The following ZNF322 variants were observed in gnomAD, a reference collection of about 807,000 sequenced individuals.
The protein encoded by ZNF322 is HLA complex group 12.
Under a neutral mutation model 18.3 loss-of-function variants are expected in ZNF322, and 1 was observed. The observed-to-expected ratio is 0.05, with a 90% CI of 0.02 to 0.26. ZNF322 has a LOEUF of 0.26. Ranked by LOEUF, ZNF322 falls within the 10% of genes least tolerant of loss-of-function variation. The probability of loss-of-function intolerance (pLI) is 1.00; values close to 1 mark genes in which losing one functional copy is unlikely to be tolerated. For missense variants in ZNF322, 36 were observed against 403.6 expected, an observed-to-expected ratio of 0.09 and a Z score of 7.80; for synonymous variants, 17 against 130.7, an observed-to-expected ratio of 0.13 and a Z score of 5.93.
intron 1 of ZNF322, 110 bp downstream of exon 1, chr6:26,659,331 G>A (rs1455173546): frequency 1.3e-5 from 2 of 159,740 alleles, no homozygotes; most frequent in Non-Finnish European, 2.9e-5. Context: ...GCGGAGACCA[G>A]ACCATGCTCA....
intron 2 of ZNF322, among the ~76,000 whole-genome samples, chr6:26,651,684 T>C (rs1262282501): frequency 2.6e-5 from 4 of 152,226 alleles, no homozygotes; most frequent in Non-Finnish European, 5.9e-5. Context: ...TGAGACATCA[T>C]GTTCTACATC....
intron 2 of ZNF322, among the ~76,000 whole-genome samples, chr6:26,647,288 A>G (rs989086574): frequency 3.9e-5 from 6 of 151,912 alleles, no homozygotes; most frequent in Admixed American, 6.6e-5. Flanking sequence ...TTTTAATGGG[A>G]AAAAAAATCA....
At chr6:26,638,777 G>T in intron 3 of ZNF322, 49 bp from the exon 4 acceptor site, 2 of 695,738 alleles carry the variant, frequency 2.9e-6, no homozygotes, top group Non-Finnish European at 4.3e-6. Flanking sequence ...ACTAAGAAAA[G>T]AATTCTCAAA....
At chr6:26,647,007 T>C (rs1554148791) in intron 2 of ZNF322, among the ~76,000 whole-genome samples, 1 of 152,172 alleles carries the variant, frequency 6.6e-6, no homozygotes, top group African/African-American at 2.4e-5. Context: ...CCTATATTTC[T>C]TTAATCAATA....
intron 1 of ZNF322, chr6:26,658,921 T>G (rs1765830295): frequency 6.6e-6 from 1 of 152,256 alleles, no homozygotes; most frequent in African/African-American, 2.4e-5. Context: ...GCCTCGTTTT[T>G]CGTTTGTTTT....
At chr6:26,658,896 A>G (rs1406318431) in intron 1 of ZNF322, 1 of 152,230 alleles carries the variant, frequency 6.6e-6, no homozygotes, top group African/African-American at 2.4e-5. Flanking sequence ...CTGTAACTTC[A>G]TAACAAAGCC....
chr6:26,649,423 G>T (rs1765612139), intron 2 of ZNF322, among the ~76,000 whole-genome samples: 1 of 151,768 alleles, frequency 6.6e-6, no homozygotes, highest in African/African-American at 2.4e-5. Context: ...ATGAAAATAG[G>T]TACAATTTGG....
At chr6:26,657,628 C>T (rs147203477) in intron 2 of ZNF322, among the ~76,000 whole-genome samples, 5 of 152,220 alleles carry the variant, frequency 3.3e-5, no homozygotes, top group African/African-American at 1.2e-4. Flanking sequence ...AATATAACTT[C>T]TATTAGGGTT....
At chr6:26,646,332 T>C (rs1765559456) in intron 2 of ZNF322, among the ~76,000 whole-genome samples, 1 of 152,034 alleles carries the variant, frequency 6.6e-6, no homozygotes, top group South Asian at 2.1e-4. Context: ...TAAAGCAAAG[T>C]GATTCAGGCA....
chr6:26,636,107 T>A lies in ZNF322; in HGVS notation c.*1238A>T, dbSNP rs1210795715. ...ATTGGTCCTGCAAAGGAAAAACTATTAGGAGAGTTTTGATCTAGGATAGCT... is the reference window on the plus strand; with the variant it reads ...ATTGGTCCTGCAAAGGAAAAACTATAAGGAGAGTTTTGATCTAGGATAGCT... On this transcript the variant is annotated 3_prime_UTR_variant, in exon 4 of 4. Coordinates refer to ENST00000415922, the MANE Select transcript of ZNF322 (RefSeq NM_024639.5). The A allele has an allele frequency of 1.3e-5, 2 of 149,890 alleles. No homozygotes were observed. Among genetic ancestry groups the A allele is most frequent in the Non-Finnish European group, 3.0e-5 (2 of 67,652 alleles). 9.3% of individuals were successfully genotyped at this position (149,890 alleles called of 1,614,324 possible).
At chr6:26,652,288 C>T (rs1488371514) in intron 2 of ZNF322, among the ~76,000 whole-genome samples, 4 of 152,136 alleles carry the variant, frequency 2.6e-5, no homozygotes, top group Non-Finnish European at 5.9e-5. Context: ...TTGCAGAAGA[C>T]ACATCTGATT....
chr6:26,645,972 G>A (rs750441818), intron 2 of ZNF322, among the ~76,000 whole-genome samples: 4 of 151,610 alleles, frequency 2.6e-5, no homozygotes, highest in Admixed American at 6.6e-5. Flanking sequence ...TGGAGGTTGC[G>A]GTGAGCCAAG....
At position 26,637,793 on chromosome 6, in the gene ZNF322, A is replaced by ATC; in HGVS notation, c.760_761insGA (p.Leu254ArgfsTer21). ...TGTGTGGACTCTCTGGTGCACGATA[A>ATC]GGTCTGATTTCTGGCCAAAGCATTT... On this transcript the variant is annotated frameshift_variant, in exon 4 of 4. Coordinates refer to ENST00000415922, the MANE Select transcript of ZNF322 (RefSeq NM_024639.5). LOFTEE classifies it high-confidence loss of function. 1 of 517,592 alleles carries ATC rather than the reference A, an allele frequency of 1.9e-6. No individual in the cohort carries two copies. Among genetic ancestry groups the ATC allele is most frequent in the Non-Finnish European group, 3.2e-6 (1 of 309,416 alleles). The allele number at this position is 517,592 out of a possible 1,614,324, so 32.1% of individuals were successfully genotyped here. A position where few individuals can be genotyped will look rare whatever the true frequency, so the allele number is the denominator to read the frequency against.
intron 3 of ZNF322, among the ~76,000 whole-genome samples, chr6:26,640,757 A>G (rs892834762): frequency 6.6e-5 from 10 of 152,156 alleles, no homozygotes; most frequent in Admixed American, 2.6e-4. Context: ...CTAGAAGAGG[A>G]GTTCTTACTT....
At chr6:26,649,681 A>C (rs1364184398) in intron 2 of ZNF322, among the ~76,000 whole-genome samples, 1 of 33,626 alleles carries the variant, frequency 3.0e-5, no homozygotes, top group African/African-American at 1.4e-4. Context: ...GTGTGTATAT[A>C]TATATATATA....
At position 26,636,470 on chromosome 6, in the gene ZNF322, T is replaced by C; in HGVS notation, c.*875A>G. ...CTGGGTATCTAAAAAACTATTTTCA[T>C]ACTGATTTCATGTAAAGTCCTCTCT... On this transcript the variant is annotated 3_prime_UTR_variant, in exon 4 of 4. Transcript: ENST00000415922. 1 of 150,736 alleles carries C rather than the reference T, an allele frequency of 6.6e-6. No individual in the cohort carries two copies. Among genetic ancestry groups the C allele is most frequent in the African/African-American group, 2.4e-5 (1 of 40,898 alleles). 9.3% of individuals were successfully genotyped at this position (150,736 alleles called of 1,614,324 possible).
At chr6:26,656,316 C>T (rs1765770416) in intron 2 of ZNF322, among the ~76,000 whole-genome samples, 1 of 152,134 alleles carries the variant, frequency 6.6e-6, no homozygotes, top group African/African-American at 2.4e-5. Context: ...CACAGAGTTG[C>T]TATGAGAACA....
intron 3 of ZNF322, among the ~76,000 whole-genome samples, chr6:26,640,247 A>G (rs140094903): frequency 2.0e-4 from 31 of 152,322 alleles, no homozygotes; most frequent in African/African-American, 7.5e-4. Context: ...ACATACTCCA[A>G]TTAAACAATC....
At chr6:26,646,754 A>T (rs1765565980) in intron 2 of ZNF322, among the ~76,000 whole-genome samples, 2 of 152,198 alleles carry the variant, frequency 1.3e-5, no homozygotes, top group Non-Finnish European at 2.9e-5. Flanking sequence ...AAAATCTGTC[A>T]TATATTATGT....
Sources: allele counts gnomAD v4.1 joint callset (sites outside exome capture counted in the v4.1 genomes callset), GRCh38; gene constraint gnomAD v4.1.1; transcripts MANE v1.5; gene names NCBI Gene and HGNC (gene_info 2026-07-23, HGNC 2026-07-21).